The following SPIDR variants were observed in gnomAD, a reference collection of about 807,000 sequenced individuals.
SPIDR encodes the protein scaffold protein involved in DNA repair, also known as DNA repair-scaffolding protein.
Under a neutral mutation model 104.6 loss-of-function variants are expected in SPIDR, and 93 were observed. That is an observed-to-expected ratio of 0.89 (90% CI 0.75 to 1.06). SPIDR has a LOEUF of 1.06. Among genes scored for constraint, SPIDR ranks in the 50% least tolerant of loss-of-function variants. The probability of loss-of-function intolerance (pLI) is 0.00; values close to 1 mark genes in which losing one functional copy is unlikely to be tolerated. For missense variants in SPIDR, 1,154 were observed against 1,111.2 expected (o/e 1.04, Z -0.55); for synonymous variants, 431 against 416.9 (o/e 1.03, Z -0.41).
At chr8:47,458,323 G>GTTTTT (rs1469736509) in intron 8 of SPIDR, among the ~76,000 whole-genome samples, 1 of 112,222 alleles carries the variant, frequency 8.9e-6, no homozygotes, top group African/African-American at 3.4e-5. Context: ...ATATTCCTAA[G>GTTTTT]TATTTTATTT....
intron 10 of SPIDR, among the ~76,000 whole-genome samples, chr8:47,615,782 C>A (rs2064227037): frequency 6.6e-6 from 1 of 152,104 alleles, no homozygotes; most frequent in Non-Finnish European, 1.5e-5. Context: ...CACTATATGG[C>A]AGTAGCTTAA....
At chr8:47,501,324 A>C (rs2080394494) in intron 8 of SPIDR, among the ~76,000 whole-genome samples, 1 of 152,140 alleles carries the variant, frequency 6.6e-6, no homozygotes, top group African/African-American at 2.4e-5. Flanking sequence ...TTCATTGAGC[A>C]GTGGTTTGTA....
intron 8 of SPIDR, among the ~76,000 whole-genome samples, chr8:47,450,462 A>G (rs1434866107): frequency 6.6e-6 from 1 of 152,198 alleles, no homozygotes; most frequent in Admixed American, 6.5e-5. Flanking sequence ...CCAATGCATG[A>G]ACTTCAGGAA....
chr8:47,369,727 G>T (rs1484730096), intron 5 of SPIDR, among the ~76,000 whole-genome samples: 1 of 152,188 alleles, frequency 6.6e-6, no homozygotes, highest in African/African-American at 2.4e-5. Flanking sequence ...AGGATACTTT[G>T]TAGAAAGGAC....
chr8:47,659,256 C>G (rs1156729734), intron 10 of SPIDR, among the ~76,000 whole-genome samples: 1 of 152,094 alleles, frequency 6.6e-6, no homozygotes. Context: ...GTGGCCTTGT[C>G]TCAGAAGGGG....
chr8:47,695,277 C>T (rs984930942), intron 11 of SPIDR, among the ~76,000 whole-genome samples: 1 of 151,996 alleles, frequency 6.6e-6, no homozygotes, highest in Non-Finnish European at 1.5e-5. Context: ...CAAATGAACT[C>T]TCTTGGAGAG....
intron 10 of SPIDR, among the ~76,000 whole-genome samples, chr8:47,672,402 C>G (rs1404370420): frequency 6.6e-6 from 1 of 152,190 alleles, no homozygotes; most frequent in Non-Finnish European, 1.5e-5. Flanking sequence ...TCTCACTCTC[C>G]TCTATTTCTG....
chr8:47,627,068 A>T (rs892392718), intron 10 of SPIDR, among the ~76,000 whole-genome samples: 1 of 152,222 alleles, frequency 6.6e-6, no homozygotes, highest in Non-Finnish European at 1.5e-5. Flanking sequence ...ATAAAAAATG[A>T]TGAGTTCACG....
At chr8:47,315,950 A>G (rs1038474533) in intron 5 of SPIDR, among the ~76,000 whole-genome samples, 12 of 152,206 alleles carry the variant, frequency 7.9e-5, no homozygotes, top group Non-Finnish European at 1.6e-4. Flanking sequence ...GATAGGATAC[A>G]GAAAGCAGCA....
At chr8:47,422,675 A>T (rs1262170533) in intron 7 of SPIDR, among the ~76,000 whole-genome samples, 1 of 152,198 alleles carries the variant, frequency 6.6e-6, no homozygotes, top group Non-Finnish European at 1.5e-5. Flanking sequence ...TTGGAAATGC[A>T]GAAATCATAT....
intron 8 of SPIDR, among the ~76,000 whole-genome samples, chr8:47,489,773 T>G (rs1218399917): frequency 2.6e-5 from 4 of 152,316 alleles, no homozygotes; most frequent in Non-Finnish European, 4.4e-5. Flanking sequence ...ATTTAATAAA[T>G]GGTGCTGGGA....
intron 10 of SPIDR, among the ~76,000 whole-genome samples, chr8:47,623,291 T>C (rs1035082425): frequency 2.0e-5 from 3 of 152,038 alleles, no homozygotes; most frequent in Non-Finnish European, 2.9e-5. Flanking sequence ...CATGCCAAAT[T>C]GTAAAGACCA....
At chr8:47,384,179 G>A (rs2059628148) in intron 5 of SPIDR, among the ~76,000 whole-genome samples, 1 of 152,194 alleles carries the variant, frequency 6.6e-6, no homozygotes, top group African/African-American at 2.4e-5. Context: ...GTGAATGAGA[G>A]TTTACCACTC....
chr8:47,581,147 A>C (rs2059655765), intron 8 of SPIDR, among the ~76,000 whole-genome samples: 1 of 152,056 alleles, frequency 6.6e-6, no homozygotes, highest in Non-Finnish European at 1.5e-5. Context: ...CCCGTGTAGA[A>C]GGCCATATTC....
At chr8:47,409,063 G>A (rs1171747472) in intron 7 of SPIDR, among the ~76,000 whole-genome samples, 1 of 152,180 alleles carries the variant, frequency 6.6e-6, no homozygotes, top group Non-Finnish European at 1.5e-5. Context: ...GTGCACGCCT[G>A]TAGTCCCAGC....
At chr8:47,445,661 T>C (rs1015932887) in intron 8 of SPIDR, among the ~76,000 whole-genome samples, 5 of 152,176 alleles carry the variant, frequency 3.3e-5, no homozygotes, top group Non-Finnish European at 7.3e-5. Flanking sequence ...CAGTTAGGCT[T>C]CTTGTGCCAG....
At chr8:47,722,331 C>T (rs1305255210) in intron 16 of SPIDR, among the ~76,000 whole-genome samples, 1 of 152,008 alleles carries the variant, frequency 6.6e-6, no homozygotes, top group East Asian at 1.9e-4. Context: ...TTCTTTCTTC[C>T]TTCTCAATCT....
intron 5 of SPIDR, among the ~76,000 whole-genome samples, chr8:47,364,461 C>T (rs2056799856): frequency 6.6e-6 from 1 of 152,188 alleles, no homozygotes; most frequent in African/African-American, 2.4e-5. Flanking sequence ...TGCAGAGCTT[C>T]AATGCAAGTT....
intron 11 of SPIDR, among the ~76,000 whole-genome samples, chr8:47,699,578 G>A (rs1457739955): frequency 6.6e-6 from 1 of 151,110 alleles, no homozygotes; most frequent in Admixed American, 6.6e-5. Context: ...TTTTTGAGAC[G>A]GAGTTTGGCT....
Sources: allele counts gnomAD v4.1 joint callset (sites outside exome capture counted in the v4.1 genomes callset), GRCh38; gene constraint gnomAD v4.1.1; transcripts MANE v1.5; gene names NCBI Gene and HGNC (gene_info 2026-07-23, HGNC 2026-07-21).